Variants in PITPNA observed in about 807,000 individuals in gnomAD.
PITPNA encodes the protein phosphatidylinositol transfer protein alpha.
Under a neutral mutation model 50.3 loss-of-function variants are expected in PITPNA, and 13 were observed. That is an observed-to-expected ratio of 0.26 (90% confidence interval 0.17 to 0.41). PITPNA has a LOEUF of 0.41. Ranked by LOEUF, PITPNA falls within the 10% of genes least tolerant of loss-of-function variation. The pLI, the probability that PITPNA is intolerant of heterozygous loss-of-function variation, is 1.00. For missense variants in PITPNA, 207 were observed against 333.4 expected, an observed-to-expected ratio of 0.62 and a Z score of 2.95; for synonymous variants, 120 against 119.6, an observed-to-expected ratio of 1.00 and a Z score of -0.02.
chr17:1,519,151 T>C lies in PITPNA; in HGVS notation c.*1410A>G, dbSNP rs1189821409. 6.6e-6 allele frequency: 1 copy of C among 152,588 alleles called. No individual in the cohort carries two copies. The highest frequency in any genetic ancestry group is 1.5e-5 in the Non-Finnish European group (1 of 68,066). 9.5% of individuals were successfully genotyped at this position (152,588 alleles called of 1,614,324 possible). A position where few individuals can be genotyped will look rare whatever the true frequency, so the allele number is the denominator to read the frequency against. On this transcript the variant is annotated 3_prime_UTR_variant, in exon 12 of 12. Coordinates refer to ENST00000313486, the MANE Select transcript of PITPNA (RefSeq NM_006224.4). Reference sequence around the variant, plus strand: ...GGCAAACAAACTGACAAAAACAGGATACATTCTCCCACCCACTTCTTGCTT... The same window carrying C: ...GGCAAACAAACTGACAAAAACAGGACACATTCTCCCACCCACTTCTTGCTT...
At chr17:1,522,831 C>G (rs1001105382) in intron 10 of PITPNA, among the ~76,000 whole-genome samples, 3 of 152,148 alleles carry the variant, frequency 2.0e-5, no homozygotes. Flanking sequence ...GTGGGCTGCT[C>G]GGATACAGAA....
At chr17:1,534,474 C>G (rs2075603033) in intron 9 of PITPNA, among the ~76,000 whole-genome samples, 1 of 152,188 alleles carries the variant, frequency 6.6e-6, no homozygotes, top group African/African-American at 2.4e-5. Flanking sequence ...AGGCCCTCTG[C>G]CCAAAGCACC....
intron 10 of PITPNA, among the ~76,000 whole-genome samples, chr17:1,525,049 G>A (rs1164081735): frequency 6.6e-6 from 1 of 151,670 alleles, no homozygotes; most frequent in African/African-American, 2.4e-5. Flanking sequence ...GAGTGCAGAG[G>A]CACCATCTCG....
chr17:1,553,387 C>T (rs1398364487), intron 2 of PITPNA, among the ~76,000 whole-genome samples: 2 of 152,140 alleles, frequency 1.3e-5, no homozygotes, highest in Non-Finnish European at 2.9e-5. Context: ...TCACACCACC[C>T]ATCAGGGTTT....
chr17:1,560,771 T>C (rs2075764085), intron 1 of PITPNA, among the ~76,000 whole-genome samples: 1 of 152,202 alleles, frequency 6.6e-6, no homozygotes, highest in Admixed American at 6.5e-5. Flanking sequence ...TTCTTCCTCC[T>C]CACCAGGAAA....
chr17:1,556,493 C>G (rs1231823554), intron 2 of PITPNA, among the ~76,000 whole-genome samples: 1 of 152,196 alleles, frequency 6.6e-6, no homozygotes, highest in African/African-American at 2.4e-5. Flanking sequence ...GCCCTTCAGC[C>G]TTACTCCAAG....
At chr17:1,561,531 C>T (rs138042036) in intron 1 of PITPNA, among the ~76,000 whole-genome samples, 1 of 152,244 alleles carries the variant, frequency 6.6e-6, no homozygotes, top group Non-Finnish European at 1.5e-5. Flanking sequence ...CTCATCCCAA[C>T]ATACTCTCTT....
Position 1,538,869 on chromosome 17 carries a change from C to T in PITPNA, c.456G>A (p.Lys152=). ...ACCCACGTCTTTAAACGGATCCTAC[C>T]TTGCTGAGCACTTGGCTTCGATCTG... ...DIADRSQVLS[K]DYKAEEDPAK... The change falls in exon 7 of 12, where the codon AAG becomes AAA. Residue 152 remains lysine, a splice_region_variant and synonymous_variant. Transcript: ENST00000313486. The T allele has an allele frequency of 6.2e-7, 1 of 1,608,330 alleles. No individual in the cohort carries two copies. Among genetic ancestry groups the T allele is most frequent in the Non-Finnish European group, 8.5e-7 (1 of 1,174,870 alleles).
At chr17:1,538,016 G>GTC (rs905595368) in intron 7 of PITPNA, among the ~76,000 whole-genome samples, 33 of 152,192 alleles carry the variant, frequency 2.2e-4, no homozygotes, top group African/African-American at 7.7e-4. Context: ...GGGCAGGATG[G>GTC]TCTCGAACTC....
At chr17:1,522,799 T>C (rs569015626) in intron 10 of PITPNA, among the ~76,000 whole-genome samples, 1 of 152,316 alleles carries the variant, frequency 6.6e-6, no homozygotes, top group East Asian at 1.9e-4. Context: ...AGAACAAACA[T>C]TCATCTATGT....
chr17:1,534,430 A>C (rs867207548), intron 9 of PITPNA, among the ~76,000 whole-genome samples: 3 of 152,014 alleles, frequency 2.0e-5, no homozygotes, highest in African/African-American at 7.2e-5. Context: ...CATAGGAGGG[A>C]GCCCCCAAGA....
intron 1 of PITPNA, chr17:1,559,742 G>C: frequency 1.0e-5 from 10 of 983,932 alleles, no homozygotes; most frequent in Non-Finnish European, 1.2e-5. Context: ...AGAGGGGTCT[G>C]AGGAAAACAT....
intron 9 of PITPNA, among the ~76,000 whole-genome samples, chr17:1,534,816 T>C (rs1052169194): frequency 6.6e-6 from 1 of 152,172 alleles, no homozygotes; most frequent in African/African-American, 2.4e-5. Flanking sequence ...CCCTGTCACA[T>C]GTGGTGTCCC....
intron 6 of PITPNA, among the ~76,000 whole-genome samples, chr17:1,540,186 C>T (rs572518109): frequency 2.0e-5 from 3 of 151,748 alleles, no homozygotes; most frequent in African/African-American, 2.4e-5. Flanking sequence ...CATGCTGACC[C>T]GCTGTAAAGA....
intron 10 of PITPNA, among the ~76,000 whole-genome samples, chr17:1,521,873 C>CTTTTTTT (rs869029944): frequency 9.0e-5 from 11 of 121,852 alleles, no homozygotes; most frequent in Non-Finnish European, 1.5e-4. Flanking sequence ...TTTGAAGCAC[C>CTTTTTTT]TTTTTTTTTT....
At chr17:1,558,970 TCCC>T (rs1475975357) in intron 1 of PITPNA, among the ~76,000 whole-genome samples, 1 of 151,536 alleles carries the variant, frequency 6.6e-6, no homozygotes, top group Non-Finnish European at 1.5e-5. Flanking sequence ...CAATGAGTCG[TCCC>T]CCCAACAAGA....
At chr17:1,556,110 G>A (rs1233340892) in intron 2 of PITPNA, among the ~76,000 whole-genome samples, 1 of 152,148 alleles carries the variant, frequency 6.6e-6, no homozygotes, top group Non-Finnish European at 1.5e-5. Context: ...GATGGGGATG[G>A]GGTTACTGAC....
chr17:1,555,832 A>C (rs374853155), intron 2 of PITPNA, among the ~76,000 whole-genome samples: 7 of 152,316 alleles, frequency 4.6e-5, no homozygotes, highest in African/African-American at 1.7e-4. Context: ...ACACCCCGTC[A>C]AACAGCCAGG....
intron 6 of PITPNA, among the ~76,000 whole-genome samples, chr17:1,539,560 C>T (rs942413968): frequency 2.0e-5 from 3 of 150,918 alleles, no homozygotes; most frequent in Non-Finnish European, 4.4e-5. Context: ...CCGAGTGATC[C>T]TCCCGTCTCA....
Sources: gnomAD v4.1 joint callset for allele counts (sites outside exome capture counted in the v4.1 genomes callset) on GRCh38, gnomAD v4.1.1 for gene constraint, MANE v1.5 for transcripts, NCBI Gene and HGNC (gene_info 2026-07-23, HGNC 2026-07-21) for gene names.